The following THADA variants were observed in gnomAD, a reference collection of about 807,000 sequenced individuals.
THADA encodes THADA armadillo repeat containing.
In THADA, 213 loss-of-function variants were observed where a neutral mutation model predicts 219.8. The observed-to-expected ratio is 0.97, with a 90% CI of 0.87 to 1.09. The LOEUF (loss-of-function observed/expected upper bound fraction) is 1.09, where lower values mean the gene tolerates loss of function less well. Ranked by LOEUF, THADA falls within the 50% of genes least tolerant of loss-of-function variation. The pLI, the probability that THADA is intolerant of heterozygous loss-of-function variation, is 0.00. For missense variants in THADA, 2,956 were observed against 2,311.3 expected, an observed-to-expected ratio of 1.28 and a Z score of -5.72; for synonymous variants, 1,018 against 828.9, an observed-to-expected ratio of 1.23 and a Z score of -3.92.
intron 22 of THADA, among the ~76,000 whole-genome samples, chr2:43,521,176 G>A (rs565673157): frequency 3.3e-5 from 5 of 151,010 alleles, no homozygotes; most frequent in Non-Finnish European, 7.4e-5. Context: ...AAGGAGGGAG[G>A]GAGGGAAGAA....
intron 24 of THADA, among the ~76,000 whole-genome samples, chr2:43,502,797 T>C (rs906778196): frequency 6.6e-6 from 1 of 151,814 alleles, no homozygotes; most frequent in African/African-American, 2.4e-5. Context: ...GGAGAATATA[T>C]ATGTAATTCA....
chr2:43,511,417 G>A (rs1690429500), intron 22 of THADA, among the ~76,000 whole-genome samples: 1 of 152,182 alleles, frequency 6.6e-6, no homozygotes, highest in South Asian at 2.1e-4. Flanking sequence ...TGGAATGAGA[G>A]TAGAACATCT....
intron 28 of THADA, among the ~76,000 whole-genome samples, chr2:43,418,058 C>T (rs1037497910): frequency 2.6e-5 from 4 of 152,064 alleles, no homozygotes; most frequent in African/African-American, 9.7e-5. Flanking sequence ...AAAAAGGATA[C>T]CTCATTATGC....
intron 26 of THADA, among the ~76,000 whole-genome samples, chr2:43,441,169 A>T (rs1185538231): frequency 6.6e-6 from 1 of 152,230 alleles, no homozygotes; most frequent in Non-Finnish European, 1.5e-5. Context: ...TAAAAATATC[A>T]AAATTATTTT....
rs756831818 is a variant in THADA at position 43,232,797 on chromosome 2, C to A, written c.5382G>T (p.Gln1794His). The stretch of plus-strand genomic sequence containing the variant: ...GCAGGATGGGCAGTCCAGGGGCCAA[C>A]TGGTCCCACTGCTGGAGCAGATCAC... ...VLCDLLQQWD[Q>H]LAPGLPILLG... Residue 1794 changes from glutamine (Q) to histidine (H), a missense_variant, in exon 37 of 38, where the codon CAG becomes CAT. By Grantham distance (24) the Gln-to-His change is conservative. Coordinates refer to ENST00000405975, the MANE Select transcript of THADA (RefSeq NM_022065.5). 6.2e-6 allele frequency: 10 copies of A among 1,613,348 alleles called. No homozygotes were observed. The highest frequency in any genetic ancestry group is 8.5e-6 in the Non-Finnish European group (10 of 1,179,726).
intron 24 of THADA, among the ~76,000 whole-genome samples, chr2:43,502,145 A>G (rs529442711): frequency 3.0e-4 from 45 of 151,154 alleles, no homozygotes; most frequent in African/African-American, 1.0e-3. Context: ...ACACTAAACA[A>G]AGACAAATTA....
chr2:43,342,365 G>A (rs1667156903), intron 30 of THADA, among the ~76,000 whole-genome samples: 1 of 152,154 alleles, frequency 6.6e-6, no homozygotes, highest in South Asian at 2.1e-4. Flanking sequence ...TCCACACATT[G>A]GGAAATCCAC....
chr2:43,593,384 A>G (rs1701787705), intron 1 of THADA, among the ~76,000 whole-genome samples: 5 of 152,202 alleles, frequency 3.3e-5, no homozygotes, highest in African/African-American at 1.2e-4. Context: ...ATCAGAGTGC[A>G]TGATTTTATT....
chr2:43,267,420 A>T (rs1191334436), intron 36 of THADA, among the ~76,000 whole-genome samples: 5 of 152,230 alleles, frequency 3.3e-5, no homozygotes, highest in Non-Finnish European at 5.9e-5. Flanking sequence ...TGGTAAAAAT[A>T]AGAAGATGGC....
chr2:43,473,754 G>T (rs917273983), intron 26 of THADA, among the ~76,000 whole-genome samples: 1 of 151,832 alleles, frequency 6.6e-6, no homozygotes, highest in African/African-American at 2.4e-5. Context: ...GATTACAGGC[G>T]CCTGCCACCA....
At chr2:43,313,791 G>C (rs945522048) in intron 31 of THADA, among the ~76,000 whole-genome samples, 1 of 152,256 alleles carries the variant, frequency 6.6e-6, no homozygotes, top group African/African-American at 2.4e-5. Flanking sequence ...AGTCCACGAA[G>C]AGGGTTCTCG....
At chr2:43,382,874 C>T (rs1297145777) in intron 29 of THADA, among the ~76,000 whole-genome samples, 1 of 152,058 alleles carries the variant, frequency 6.6e-6, no homozygotes, top group African/African-American at 2.4e-5. Flanking sequence ...TTACAAACTA[C>T]CACATTACTA....
Position 43,301,345 on chromosome 2 carries a change from C to T in THADA, c.4439-8132G>A, listed in dbSNP as rs538547642. On this transcript the variant is annotated intron_variant, in intron 31 of 37. Transcript: ENST00000405975. ...AACCAAGAATTCAAAAGAACGAATA[C>T]GCACTATGAATGTTCCTGGCAGGCA... 8.5e-5 allele frequency among the ~76,000 whole-genome samples: 13 copies of T among 152,334 alleles called. No homozygotes were observed. The South Asian group carries it at 2.1e-3, about 24-fold the overall frequency.
intron 26 of THADA, among the ~76,000 whole-genome samples, chr2:43,463,423 G>A (rs563896491): frequency 3.3e-5 from 5 of 152,250 alleles, no homozygotes; most frequent in Admixed American, 3.3e-4. Flanking sequence ...TTTATATAGG[G>A]CGTGATTGAC....
intron 29 of THADA, chr2:43,370,031 A>G (rs941739652): frequency 6.6e-6 from 1 of 152,224 alleles, no homozygotes; most frequent in African/African-American, 2.4e-5. Flanking sequence ...CACAGTACTG[A>G]GCATTTAATT....
At chr2:43,538,397 T>G (rs1348646332) in intron 21 of THADA, 1 of 152,212 alleles carries the variant, frequency 6.6e-6, no homozygotes, top group Non-Finnish European at 1.5e-5. Context: ...TTTCATTATG[T>G]GATTACAGTG....
chr2:43,593,869 GTGA>G (rs1448240250), intron 1 of THADA, among the ~76,000 whole-genome samples: 1 of 151,948 alleles, frequency 6.6e-6, no homozygotes, highest in Non-Finnish European at 1.5e-5. Context: ...TCCTGACCTC[GTGA>G]TCCACCCACC....
intron 13 of THADA, among the ~76,000 whole-genome samples, chr2:43,571,428 T>A (rs1699285912): frequency 6.6e-6 from 1 of 151,854 alleles, no homozygotes. Context: ...TTTTTTTGTA[T>A]TTTAGTAGAG....
chr2:43,512,251 TC>T (rs1690572359), intron 22 of THADA, among the ~76,000 whole-genome samples: 1 of 152,102 alleles, frequency 6.6e-6, no homozygotes, highest in African/African-American at 2.4e-5. Flanking sequence ...GCTCTGGAAT[TC>T]CCCAGCATCA....
Sources: allele counts gnomAD v4.1 joint callset (sites outside exome capture counted in the v4.1 genomes callset), GRCh38; gene constraint gnomAD v4.1.1; transcripts MANE v1.5; gene names NCBI Gene and HGNC (gene_info 2026-07-23, HGNC 2026-07-21).